SGCZ: variants seen among roughly 807,000 people sequenced by gnomAD.
SGCZ encodes sarcoglycan zeta, also known as zeta-sarcoglycan.
A neutral mutation model predicts 41.3 loss-of-function variants in SGCZ; 40 were observed. The observed-to-expected ratio is 0.97, with a 90% CI of 0.75 to 1.26. The LOEUF (loss-of-function observed/expected upper bound fraction) is 1.26, where lower values mean the gene tolerates loss of function less well. Ranked by LOEUF, SGCZ falls within the 50% of genes most tolerant of loss-of-function variation. The probability of loss-of-function intolerance (pLI) is 0.00; values close to 1 mark genes in which losing one functional copy is unlikely to be tolerated. For missense variants in SGCZ, 552 were observed against 369.8 expected (o/e 1.49, Z -4.04); for synonymous variants, 206 against 137.5 (o/e 1.50, Z -3.49).
chr8:14,467,054 G>A (rs1050858220), intron 2 of SGCZ, among the ~76,000 whole-genome samples: 19 of 151,416 alleles, frequency 1.3e-4, no homozygotes, highest in South Asian at 2.1e-4. Context: ...ACTGGTTTTT[G>A]TTTTTGCTTA....
rs58559528 is a variant in SGCZ at position 15,026,122 on chromosome 8, T to TA, written c.39+211462dup. On this transcript the variant is annotated intron_variant, in intron 1 of 7. Transcript: ENST00000382080. ...CCATAGTATTCCAATAAGGTTTGTT[T>TA]AAAAAAAAAAAAGGACTTTTGATGT... is the stretch of plus-strand genomic sequence containing the variant. Among the ~76,000 whole-genome samples, 916 of 144,044 alleles carry TA rather than the reference T, an allele frequency of 6.4e-3. 14 individuals carry two copies. Among genetic ancestry groups the TA allele is most frequent in the East Asian group, 0.053 (267 of 5,028 alleles). 94.5% of individuals were successfully genotyped at this position (144,044 alleles called of 152,430 possible). A position where few individuals can be genotyped will look rare whatever the true frequency, so the allele number is the denominator to read the frequency against.
chr8:14,722,883 G>T (rs1048395943), intron 1 of SGCZ, among the ~76,000 whole-genome samples: 1 of 152,088 alleles, frequency 6.6e-6, no homozygotes, highest in African/African-American at 2.4e-5. Context: ...GAAATAAAAT[G>T]CGTTCCATTT....
At chr8:14,284,204 A>C (rs1046254936) in intron 3 of SGCZ, among the ~76,000 whole-genome samples, 100 of 152,280 alleles carry the variant, frequency 6.6e-4, no homozygotes, top group African/African-American at 2.3e-3. Context: ...CAGCCTAGGT[A>C]ATATAGTGGA....
chr8:14,867,455 T>C (rs147770757), intron 1 of SGCZ, among the ~76,000 whole-genome samples: 2,268 of 152,250 alleles, frequency 0.015, 31 homozygotes, highest in Middle Eastern at 0.051. Context: ...TATATTCCTT[T>C]GGGCATACGT....
At chr8:14,311,441 T>A (rs1489119913) in intron 3 of SGCZ, among the ~76,000 whole-genome samples, 3 of 152,124 alleles carry the variant, frequency 2.0e-5, no homozygotes, top group Non-Finnish European at 4.4e-5. Flanking sequence ...GGGTGCTGAG[T>A]CAGTTACATT....
At chr8:14,222,273 C>A (rs553720416) in intron 4 of SGCZ, among the ~76,000 whole-genome samples, 1 of 151,956 alleles carries the variant, frequency 6.6e-6, no homozygotes, top group South Asian at 2.1e-4. Flanking sequence ...CGGGTTCAAG[C>A]AATTATCTGC....
intron 4 of SGCZ, among the ~76,000 whole-genome samples, chr8:14,231,217 AAGAGAGAGAGAGACAGAGAG>A (rs1281348279): frequency 2.6e-4 from 19 of 73,140 alleles, no homozygotes; most frequent in Non-Finnish European, 5.7e-4. Flanking sequence ...GAGAGGGGGA[AAGAGAGAGAGAGACAGAGAG>A]AGAGAGAGAG....
chr8:14,116,763 T>C (rs182214639), intron 5 of SGCZ, among the ~76,000 whole-genome samples: 24 of 152,250 alleles, frequency 1.6e-4, no homozygotes, highest in Non-Finnish European at 2.4e-4. Flanking sequence ...ATTTGTTTTT[T>C]AACCATAAGA....
chr8:14,417,376 T>A (rs1036978590), intron 2 of SGCZ, among the ~76,000 whole-genome samples: 5 of 151,874 alleles, frequency 3.3e-5, no homozygotes, highest in Admixed American at 3.3e-4. Context: ...GTTAGGAAAA[T>A]AGACTTATAA....
At chr8:14,802,007 A>C (rs189153287) in intron 1 of SGCZ, among the ~76,000 whole-genome samples, 12 of 152,306 alleles carry the variant, frequency 7.9e-5, no homozygotes, top group Admixed American at 7.8e-4. Flanking sequence ...CTTTTAAAAT[A>C]TGGAAAAGAA....
intron 2 of SGCZ, among the ~76,000 whole-genome samples, chr8:14,330,458 G>T (rs1217379824): frequency 6.6e-6 from 1 of 151,918 alleles, no homozygotes; most frequent in Non-Finnish European, 1.5e-5. Context: ...CAAAGTAGAG[G>T]ATTATTTGTT....
intron 1 of SGCZ, among the ~76,000 whole-genome samples, chr8:14,561,023 G>T (rs905728118): frequency 6.6e-6 from 1 of 152,044 alleles, no homozygotes; most frequent in South Asian, 2.1e-4. Flanking sequence ...GAAAAGGTTA[G>T]ACTTTTCTTT....
At chr8:14,780,147 G>A (rs1800543054) in intron 1 of SGCZ, among the ~76,000 whole-genome samples, 1 of 152,010 alleles carries the variant, frequency 6.6e-6, no homozygotes, top group African/African-American at 2.4e-5. Flanking sequence ...GCAGAGGCCG[G>A]GCGGATCACG....
At chr8:14,282,160 A>G (rs1318122916) in intron 3 of SGCZ, among the ~76,000 whole-genome samples, 3 of 152,106 alleles carry the variant, frequency 2.0e-5, no homozygotes, top group Non-Finnish European at 4.4e-5. Flanking sequence ...ACTTTTTATG[A>G]CCTAAACATT....
chr8:14,274,412 T>C (rs1211167622), intron 3 of SGCZ, among the ~76,000 whole-genome samples: 4 of 152,190 alleles, frequency 2.6e-5, no homozygotes, highest in Admixed American at 6.5e-5. Context: ...TACAAGTCGT[T>C]GGTTTTAAAC....
chr8:14,212,391 AAG>A (rs1226366358), intron 4 of SGCZ, among the ~76,000 whole-genome samples: 6 of 151,210 alleles, frequency 4.0e-5, no homozygotes, highest in Non-Finnish European at 8.8e-5. Flanking sequence ...GTAACACCAG[AAG>A]GCATCAAGCA....
chr8:14,528,757 C>G (rs1367851863), intron 2 of SGCZ, among the ~76,000 whole-genome samples: 1 of 151,098 alleles, frequency 6.6e-6, no homozygotes, highest in Non-Finnish European at 1.5e-5. Flanking sequence ...CTGCCTCCTT[C>G]CTCCCAGTTA....
intron 1 of SGCZ, among the ~76,000 whole-genome samples, chr8:14,746,113 A>G (rs1799333390): frequency 6.6e-6 from 1 of 152,078 alleles, no homozygotes; most frequent in African/African-American, 2.4e-5. Context: ...ATCGATCTAT[A>G]AATATATTTG....
At chr8:14,689,541 A>AAG (rs1808730146) in intron 1 of SGCZ, among the ~76,000 whole-genome samples, 2 of 152,202 alleles carry the variant, frequency 1.3e-5, no homozygotes, top group South Asian at 4.1e-4. Context: ...AATTTTTAGC[A>AAG]CACTAAGGGC....
Sources: allele counts gnomAD v4.1 joint callset (sites outside exome capture counted in the v4.1 genomes callset), GRCh38; gene constraint gnomAD v4.1.1; transcripts MANE v1.5; gene names NCBI Gene and HGNC (gene_info 2026-07-23, HGNC 2026-07-21).